The following GABPA variants were observed in gnomAD, a reference collection of about 807,000 sequenced individuals.
The protein encoded by GABPA is GA-binding protein alpha chain.
Under a neutral mutation model 59.4 loss-of-function variants are expected in GABPA, and 4 were observed. The ratio of observed to expected loss-of-function variants is 0.07; its 90% CI spans 0.03 to 0.15. The LOEUF (loss-of-function observed/expected upper bound fraction) is 0.15. Among genes scored for constraint, GABPA ranks in the 10% least tolerant of loss-of-function variants. GABPA has a pLI of 1.00. For synonymous variants in GABPA, 164 were observed against 183.1 expected (o/e 0.90, Z 0.84); for missense variants, 251 against 543.8 (o/e 0.46, Z 5.36).
chr21:25,735,166 CGCATGCGCTCTTTGA>C lies in GABPA; in HGVS notation c.-437_-423del, dbSNP rs2034988210. The C allele has an allele frequency of 1.6e-6, 1 of 616,892 alleles. No individual in the cohort carries two copies. The highest frequency in any genetic ancestry group is 1.8e-5 in the African/African-American group (1 of 54,656). The allele number at this position is 616,892 out of a possible 1,614,324, so 38.2% of individuals were successfully genotyped here. A position where few individuals can be genotyped will look rare whatever the true frequency, so the allele number is the denominator to read the frequency against. ...CCCCTCCTTGAAACCTTGCTCTGTACGCATGCGCTCTTTGAGTGGCCTTTCCCCTAGTTCAAGCTC... is the reference window on the plus strand; with the variant it reads ...CCCCTCCTTGAAACCTTGCTCTGTACGTGGCCTTTCCCCTAGTTCAAGCTC... On this transcript the variant is annotated 5_prime_UTR_variant, in exon 1 of 10. The change abolishes an upstream ATG in the 5' untranslated region. Coordinates refer to ENST00000400075, the MANE Select transcript of GABPA (RefSeq NM_002040.4).
chr21:25,753,252 T>G (rs1244064989), intron 5 of GABPA, among the ~76,000 whole-genome samples: 1 of 152,106 alleles, frequency 6.6e-6, no homozygotes, highest in Admixed American at 6.5e-5. Context: ...GATTTTGATG[T>G]GGAAGTTTAT....
intron 9 of GABPA, among the ~76,000 whole-genome samples, chr21:25,768,059 T>C (rs1050293883): frequency 6.6e-6 from 1 of 152,088 alleles, no homozygotes; most frequent in Non-Finnish European, 1.5e-5. Context: ...GGAAAGAGCT[T>C]GACTTGCCTC....
Position 25,758,094 on chromosome 21 carries a change from C to T in GABPA, c.638C>T (p.Thr213Ile), listed in dbSNP as rs1356969946. 5 of 1,610,308 alleles carry T rather than the reference C, an allele frequency of 3.1e-6. No homozygotes were observed. The African/African-American group carries it at 5.3e-5, about 17-fold the overall frequency. The change falls in exon 6 of 10, where the codon ACC (threonine) becomes ATC (isoleucine). Residue 213 changes from threonine (T) to isoleucine (I), a missense_variant. Thr to Ile is a moderately conservative substitution (Grantham distance 89). Around this residue, in one of 4 missense-constraint regions of GABPA, gnomAD observed 207 missense variants for 366.7 expected, o/e 0.56. Coordinates refer to ENST00000400075, the MANE Select transcript of GABPA (RefSeq NM_002040.4). ...TTCAGCATGACCGATATAGACCTCA[C>T]CACACTCAACATTTCGGGGAGAGAA... is the stretch of plus-strand genomic sequence containing the variant. ...KEFSMTDIDL[T>I]TLNISGRELC...
At chr21:25,736,125 A>G (rs369194539) in intron 1 of GABPA, among the ~76,000 whole-genome samples, 2 of 152,228 alleles carry the variant, frequency 1.3e-5, no homozygotes, top group African/African-American at 4.8e-5. Context: ...CCAAGGAGAT[A>G]ACAATGGGTT....
chr21:25,736,040 A>G (rs552112675), intron 1 of GABPA, among the ~76,000 whole-genome samples: 2 of 152,222 alleles, frequency 1.3e-5, no homozygotes, highest in African/African-American at 4.8e-5. Flanking sequence ...ATAGAACAAC[A>G]CACACCAGAA....
rs756950890 is a variant in GABPA at position 25,769,787 on chromosome 21, A to G, written c.*555A>G. 7.2e-5 allele frequency: 11 copies of G among 152,662 alleles called. No individual in the cohort carries two copies. The highest frequency in any genetic ancestry group is 5.9e-5 in the Non-Finnish European group (4 of 68,066). The allele number at this position is 152,662 out of a possible 1,614,324, so 9.5% of individuals were successfully genotyped here. ...AAACTAAGAGTATCAGGTTATTTATATATTTGCAAGCAAAGGACAGTAAGA... is the reference window on the plus strand; with the variant it reads ...AAACTAAGAGTATCAGGTTATTTATGTATTTGCAAGCAAAGGACAGTAAGA... On this transcript the variant is annotated 3_prime_UTR_variant, in exon 10 of 10. Transcript: ENST00000400075.
chr21:25,755,680 C>T (rs2035619507), intron 5 of GABPA, among the ~76,000 whole-genome samples: 2 of 152,084 alleles, frequency 1.3e-5, no homozygotes, highest in Non-Finnish European at 1.5e-5. Context: ...AGTGTCTGTT[C>T]GTGTCTCTCC....
chr21:25,752,084 G>A lies in GABPA; in HGVS notation c.403G>A (p.Ala135Thr), dbSNP rs1170418623. The change falls in exon 5 of 10, where the codon GCA (alanine) becomes ACA (threonine). Residue 135 changes from alanine to threonine, a missense_variant. Around this residue, in one of 4 missense-constraint regions of GABPA, gnomAD observed 207 missense variants for 366.7 expected, o/e 0.56. Transcript: ENST00000400075. Reference sequence around the variant, plus strand: ...AGATGCCCACCATGCTGAATCAGAAGCACATCTTGTTGAAGAAGCTCAAGT... The same window carrying A: ...AGATGCCCACCATGCTGAATCAGAAACACATCTTGTTGAAGAAGCTCAAGT... ...DPDAHHAESE[A>T]HLVEEAQVIT... 2 of 1,608,146 alleles carry A rather than the reference G, an allele frequency of 1.2e-6. No individual in the cohort carries two copies. The highest frequency in any genetic ancestry group is 1.3e-5 in the African/African-American group (1 of 74,776).
chr21:25,737,017 G>A (rs1341071511), intron 1 of GABPA, among the ~76,000 whole-genome samples: 2 of 152,138 alleles, frequency 1.3e-5, no homozygotes, highest in Non-Finnish European at 2.9e-5. Flanking sequence ...TCCAATGAAG[G>A]ACAATTCTCA....
chr21:25,758,216 C>T lies in GABPA; in HGVS notation c.748+12C>T. ...ACTTCTCCGAAAATGTATGAAATTA[C>T]AGTTATTTCTTTACATTGTAATTTA... On this transcript the variant is annotated intron_variant, in intron 6 of 9. Transcript: ENST00000400075. 1 of 1,546,198 alleles carries T rather than the reference C, an allele frequency of 6.5e-7. No homozygotes were observed. The highest frequency in any genetic ancestry group is 1.2e-5 in the South Asian group (1 of 83,212).
rs530198777 is a variant in GABPA at position 25,772,205 on chromosome 21, A to T, written c.*2973A>T. 1 of 152,252 alleles carries T rather than the reference A, an allele frequency of 6.6e-6. No homozygotes were observed. The highest frequency in any genetic ancestry group is 2.4e-5 in the African/African-American group (1 of 41,584). The allele number at this position is 152,252 out of a possible 1,614,324, so 9.4% of individuals were successfully genotyped here. ...AGGGTGTAAAAATATTGATACTTCA[A>T]TATTTCACTTGCTGCCAGGAAAAAC... On this transcript the variant is annotated 3_prime_UTR_variant, in exon 10 of 10. Coordinates refer to ENST00000400075, the MANE Select transcript of GABPA (RefSeq NM_002040.4).
At chr21:25,751,610 A>G (rs768521151) in intron 4 of GABPA, among the ~76,000 whole-genome samples, 3 of 152,010 alleles carry the variant, frequency 2.0e-5, no homozygotes, top group Non-Finnish European at 2.9e-5. Context: ...TTAAAATTCC[A>G]AGGATAGGTA....
chr21:25,736,711 A>G (rs1481397444), intron 1 of GABPA, among the ~76,000 whole-genome samples: 2 of 152,292 alleles, frequency 1.3e-5, no homozygotes, highest in East Asian at 3.9e-4. Flanking sequence ...CTCCAAACCT[A>G]CAGAAGAATT....
chr21:25,764,505 G>A, intron 8 of GABPA, 90 bp from the exon 9 acceptor site: 1 of 1,459,838 alleles, frequency 6.9e-7, no homozygotes, highest in African/African-American at 1.4e-5. Flanking sequence ...TGCCATGGCT[G>A]AGATTTAAAC....
At chr21:25,750,393 CT>C (rs763174245) in intron 4 of GABPA, among the ~76,000 whole-genome samples, 1 of 152,168 alleles carries the variant, frequency 6.6e-6, no homozygotes, top group Non-Finnish European at 1.5e-5. Context: ...AAATAGAAGG[CT>C]TATACCAGTG....
In GABPA at chr21:25,742,684, TG is replaced by T. The variant is rs539059640; in HGVS notation, c.77+1012del. 1.1e-4 allele frequency among the ~76,000 whole-genome samples: 16 copies of T among 150,804 alleles called. No individual in the cohort carries two copies. The South Asian group carries it at 3.4e-3, about 32-fold the overall frequency. Reference sequence around the variant, plus strand: ...GTCCCAACAGTTTGGGAGGCTGAGGTGGGCAGATCACTTGAGCCCAGGAGTT... The same window carrying T: ...GTCCCAACAGTTTGGGAGGCTGAGGTGGCAGATCACTTGAGCCCAGGAGTT... On this transcript the variant is annotated intron_variant, in intron 2 of 9. Transcript: ENST00000400075.
chr21:25,751,197 G>A (rs2035501105), intron 4 of GABPA, among the ~76,000 whole-genome samples: 1 of 151,728 alleles, frequency 6.6e-6, no homozygotes, highest in East Asian at 1.9e-4. Context: ...CACACATAAT[G>A]AAATAACTGT....
chr21:25,757,849 A>ATTTTTTTTTTTTTTTTTTTTTT (rs60518912), intron 5 of GABPA, among the ~76,000 whole-genome samples, 161 bp from the exon 6 acceptor site: 1 of 108,734 alleles, frequency 9.2e-6, no homozygotes. Flanking sequence ...TTACAGCATA[A>ATTTTTTTTTTTTTTTTTTTTTT]TTTTTTTTTT....
At chr21:25,745,735 C>G (rs1349316686) in intron 3 of GABPA, among the ~76,000 whole-genome samples, 1 of 152,102 alleles carries the variant, frequency 6.6e-6, no homozygotes, top group African/African-American at 2.4e-5. Flanking sequence ...TAAATGATTT[C>G]TACATTTCTG....
Sources: allele counts gnomAD v4.1 joint callset (sites outside exome capture counted in the v4.1 genomes callset), GRCh38; gene constraint gnomAD v4.1.1; regional missense constraint gnomAD v4.1.1; transcripts MANE v1.5; gene names NCBI Gene and HGNC (gene_info 2026-07-23, HGNC 2026-07-21).